PIWIL3: variants seen among roughly 807,000 people sequenced by gnomAD.
PIWIL3 encodes piwi-like protein 3.
A neutral mutation model predicts 109.7 loss-of-function variants in PIWIL3; 101 were observed. The observed-to-expected ratio is 0.92, with a 90% CI of 0.78 to 1.09. The LOEUF (loss-of-function observed/expected upper bound fraction) is 1.09. Ranked by LOEUF, PIWIL3 falls within the 50% of genes least tolerant of loss-of-function variation. The pLI, the probability that PIWIL3 is intolerant of heterozygous loss-of-function variation, is 0.00. For synonymous variants in PIWIL3, 373 were observed against 376.4 expected (o/e 0.99, Z 0.10); for missense variants, 1,031 against 1,072.6 (o/e 0.96, Z 0.54).
chr22:24,742,280 T>C (rs866627498), intron 12 of PIWIL3, among the ~76,000 whole-genome samples: 69 of 152,022 alleles, frequency 4.5e-4, no homozygotes, highest in African/African-American at 1.6e-3. Context: ...CCCATGCTCA[T>C]GGATGGGTAG....
chr22:24,757,131 C>A (rs1459681975), intron 4 of PIWIL3, among the ~76,000 whole-genome samples: 1 of 145,900 alleles, frequency 6.9e-6, no homozygotes, highest in Admixed American at 6.9e-5. Context: ...AAAGTTAGGT[C>A]AGACAAGGAG....
chr22:24,756,006 C>T (rs531220500), intron 5 of PIWIL3, 101 bp from the exon 6 acceptor site: 3 of 1,254,146 alleles, frequency 2.4e-6, no homozygotes, highest in South Asian at 1.4e-5. Flanking sequence ...ATCCAACACA[C>T]CATCGTGATG....
Position 24,725,517 on chromosome 22 carries a change from T to G in PIWIL3, c.2010-2A>C. On this transcript the variant is annotated splice_acceptor_variant, in intron 16 of 20. Coordinates refer to ENST00000616349, the MANE Select transcript of PIWIL3 (RefSeq NM_001255975.1). LOFTEE classifies it high-confidence loss of function. ...TGGATGACACATTGAGAGTACCACC[T>G]GTTCACAGAAAAACCACCAGTTTGG... 1 of 1,613,812 alleles carries G rather than the reference T, an allele frequency of 6.2e-7. No individual in the cohort carries two copies. Among genetic ancestry groups the G allele is most frequent in the East Asian group, 2.2e-5 (1 of 44,894 alleles).
At chr22:24,725,832 T>A (rs1176882894) in intron 16 of PIWIL3, among the ~76,000 whole-genome samples, 2 of 151,816 alleles carry the variant, frequency 1.3e-5, no homozygotes, top group Non-Finnish European at 2.9e-5. Context: ...GTGCTCCCCC[T>A]GGTTCCTGCT....
intron 13 of PIWIL3, 52 bp downstream of exon 13, chr22:24,735,656 C>A: frequency 6.7e-7 from 1 of 1,486,846 alleles, no homozygotes; most frequent in Non-Finnish European, 9.1e-7. Context: ...AGTTATTATA[C>A]TTTAAGATTG....
intron 12 of PIWIL3, among the ~76,000 whole-genome samples, chr22:24,745,963 A>C (rs1924342970): frequency 6.6e-6 from 1 of 152,178 alleles, no homozygotes; most frequent in African/African-American, 2.4e-5. Context: ...CAGAGATGTA[A>C]TAAAAAGTTT....
intron 16 of PIWIL3, among the ~76,000 whole-genome samples, chr22:24,727,064 A>G (rs13055481): frequency 0.079 from 12,064 of 152,314 alleles, 566 homozygotes; most frequent in African/African-American, 0.13. Flanking sequence ...GTATAGGAAG[A>G]CAAGATCCTA....
Position 24,754,222 on chromosome 22 carries a change from A to G in PIWIL3, c.774-5T>C. The G allele has an allele frequency of 6.2e-7, 1 of 1,606,186 alleles. No homozygotes were observed. Among genetic ancestry groups the G allele is most frequent in the Non-Finnish European group, 8.5e-7 (1 of 1,172,938 alleles). On this transcript the variant is annotated splice_polypyrimidine_tract_variant and splice_region_variant and intron_variant, in intron 7 of 20. Coordinates refer to ENST00000616349, the MANE Select transcript of PIWIL3 (RefSeq NM_001255975.1). ...AGCCAGATTTCCAAACTGGTACTAG[A>G]ATAAATTACATGAGAGTATTAGTCC...
rs765730269 is a variant in PIWIL3 at position 24,755,781 on chromosome 22, T to C, written c.692+3A>G. On this transcript the variant is annotated splice_donor_region_variant and intron_variant, in intron 6 of 20. Transcript: ENST00000616349. ...TCAAAGAAACTCAACCCCGGTAACA[T>C]ACCTTCTAAAGAGAATGTTGTAATA... 10 of 1,613,738 alleles carry C rather than the reference T, an allele frequency of 6.2e-6. No individual in the cohort carries two copies. Among genetic ancestry groups the C allele is most frequent in the Non-Finnish European group, 6.8e-6 (8 of 1,179,852 alleles).
At chr22:24,770,510 G>T (rs1346485488) in intron 1 of PIWIL3, among the ~76,000 whole-genome samples, 1 of 151,814 alleles carries the variant, frequency 6.6e-6, no homozygotes, top group Non-Finnish European at 1.5e-5. Context: ...AGAAATTCCA[G>T]GGGAGGCTAA....
intron 12 of PIWIL3, among the ~76,000 whole-genome samples, chr22:24,740,354 C>T (rs1923928591): frequency 6.6e-6 from 1 of 151,756 alleles, no homozygotes; most frequent in African/African-American, 2.4e-5. Flanking sequence ...CGAGACCATC[C>T]TGGCTAACAT....
At chr22:24,747,545 A>G (rs1433112177) in intron 12 of PIWIL3, among the ~76,000 whole-genome samples, 1 of 152,232 alleles carries the variant, frequency 6.6e-6, no homozygotes, top group Admixed American at 6.5e-5. Context: ...TTTGCAAACT[A>G]CCTGTCTGAC....
chr22:24,725,321 C>G lies in PIWIL3; in HGVS notation c.2080+124G>C, dbSNP rs1922924255. ...AGACTCAATGCCAGTAGCACCTCCA[C>G]CCCAGTTGTGACACCAAAAACTAAA... On this transcript the variant is annotated intron_variant, in intron 17 of 20. Transcript: ENST00000616349. 1.0e-5 allele frequency: 12 copies of G among 1,204,408 alleles called. 1 individual carries two copies. The Admixed American group carries it at 2.1e-4, about 21-fold the overall frequency. The allele number at this position is 1,204,408 out of a possible 1,614,324, so 74.6% of individuals were successfully genotyped here.
Position 24,719,548 on chromosome 22 carries a change from T to TAAGC in PIWIL3, c.2545_2546insGCTT (p.Lys849SerfsTer48). ...GGACTGCCCCACGAGGTAAGCCAGC[T>TAAGC]TGTGGGCATAGTGGCAAGGCGCTGG... On this transcript the variant is annotated frameshift_variant, in exon 21 of 21. Coordinates refer to ENST00000616349, the MANE Select transcript of PIWIL3 (RefSeq NM_001255975.1). LOFTEE classifies it low-confidence loss of function (END_TRUNC). The TAAGC allele has an allele frequency of 6.2e-7, 1 of 1,606,636 alleles. No homozygotes were observed. Among genetic ancestry groups the TAAGC allele is most frequent in the Non-Finnish European group, 8.5e-7 (1 of 1,177,464 alleles).
rs770001545 is a variant in PIWIL3, at chr22:24,728,354, A to G, written c.1728T>C (p.Asn576=). The G allele has an allele frequency of 5.8e-5, 93 of 1,614,052 alleles. 1 individual carries two copies. The highest frequency in any genetic ancestry group is 1.9e-5 in the Non-Finnish European group (23 of 1,180,046). The part of the protein sequence containing the change: ...TLQMVICILP[N]DDKRRYDSIK... Reference sequence around the variant, plus strand: ...TGCTGTCATATCTACGTTTGTCATCATTGGGCAGGATACAAATCACCTTGA... The same window carrying G: ...TGCTGTCATATCTACGTTTGTCATCGTTGGGCAGGATACAAATCACCTTGA... The change falls in exon 15 of 21, where the codon AAT becomes AAC. Residue 576 remains asparagine (N), a synonymous_variant. Coordinates refer to ENST00000616349, the MANE Select transcript of PIWIL3 (RefSeq NM_001255975.1).
At chr22:24,722,597 C>T (rs1213884185) in intron 19 of PIWIL3, among the ~76,000 whole-genome samples, 1 of 151,998 alleles carries the variant, frequency 6.6e-6, no homozygotes, top group Admixed American at 6.5e-5. Flanking sequence ...CCTGTAAGCC[C>T]AGCTACTTGG....
intron 1 of PIWIL3, among the ~76,000 whole-genome samples, chr22:24,773,313 C>T (rs2082149064): frequency 6.6e-6 from 1 of 152,206 alleles, no homozygotes; most frequent in African/African-American, 2.4e-5. Context: ...GCACAGGAAC[C>T]CTCTTCCCTT....
At chr22:24,751,329 A>T in intron 9 of PIWIL3, 58 bp downstream of exon 9, 1 of 1,491,980 alleles carries the variant, frequency 6.7e-7, no homozygotes, top group Non-Finnish European at 9.1e-7. Context: ...AAATAACACA[A>T]ACTGAAATAC....
intron 19 of PIWIL3, among the ~76,000 whole-genome samples, chr22:24,720,142 T>C (rs1400322482): frequency 6.6e-6 from 1 of 151,800 alleles, no homozygotes; most frequent in Admixed American, 6.6e-5. Context: ...CACTGAAACC[T>C]AGAGGAAGAA....
Sources: gnomAD v4.1 joint callset for allele counts (sites outside exome capture counted in the v4.1 genomes callset) on GRCh38, gnomAD v4.1.1 for gene constraint, MANE v1.5 for transcripts, NCBI Gene and HGNC (gene_info 2026-07-23, HGNC 2026-07-21) for gene names.